Variants in ARL8B observed in about 807,000 individuals in gnomAD.
ARL8B encodes ADP-ribosylation factor-like protein 8B.
Under a neutral mutation model 30.6 loss-of-function variants are expected in ARL8B, and 9 were observed. The ratio of observed to expected loss-of-function variants is 0.29; its 90% CI spans 0.18 to 0.51. The LOEUF is 0.51. Ranked by LOEUF, ARL8B falls within the 20% of genes least tolerant of loss-of-function variation. The probability of loss-of-function intolerance (pLI) is 0.97; values close to 1 mark genes in which losing one functional copy is unlikely to be tolerated. For missense variants in ARL8B, 130 were observed against 227.2 expected, an observed-to-expected ratio of 0.57 and a Z score of 2.75; for synonymous variants, 74 against 76.0, an observed-to-expected ratio of 0.97 and a Z score of 0.14.
chr3:5,131,151 C>T (rs145565524), intron 1 of ARL8B, among the ~76,000 whole-genome samples: 4 of 152,132 alleles, frequency 2.6e-5, no homozygotes, highest in Admixed American at 1.3e-4. Context: ...GTGATCTGTC[C>T]GCCTTAGCCT....
At chr3:5,157,903 T>G (rs967761499) in intron 1 of ARL8B, 2 of 152,094 alleles carry the variant, frequency 1.3e-5, no homozygotes, top group Non-Finnish European at 2.9e-5. Context: ...CCAGATAGAT[T>G]GTGCTTCAAG....
intron 1 of ARL8B, among the ~76,000 whole-genome samples, chr3:5,169,312 TG>T (rs1559285619): frequency 9.4e-5 from 10 of 106,324 alleles, no homozygotes; most frequent in African/African-American, 3.5e-4. Flanking sequence ...TGTTTGTGTG[TG>T]TGTGTGTGTG....
intron 1 of ARL8B, among the ~76,000 whole-genome samples, chr3:5,147,424 G>C (rs1416903990): frequency 6.6e-6 from 1 of 152,092 alleles, no homozygotes; most frequent in Non-Finnish European, 1.5e-5. Flanking sequence ...ATTTGGGTTG[G>C]TTCCAAGTCT....
intron 1 of ARL8B, among the ~76,000 whole-genome samples, chr3:5,158,649 A>G (rs1043755989): frequency 1.3e-5 from 2 of 152,194 alleles, no homozygotes; most frequent in Admixed American, 6.5e-5. Flanking sequence ...CACTGCCTGT[A>G]TATCATTGTT....
At chr3:5,176,182 G>A (rs1380938820) in intron 6 of ARL8B, among the ~76,000 whole-genome samples, 1 of 152,110 alleles carries the variant, frequency 6.6e-6, no homozygotes, top group Non-Finnish European at 1.5e-5. Flanking sequence ...TTGTATTCCA[G>A]TCTATCCTTC....
Position 5,179,156 on chromosome 3 carries a change from C to T in ARL8B, c.*443C>T, listed in dbSNP as rs2054755638. On this transcript the variant is annotated 3_prime_UTR_variant, in exon 7 of 7. Coordinates refer to ENST00000256496, the MANE Select transcript of ARL8B (RefSeq NM_018184.3). ...TTGATACAGCATGAAGTTTCTAGTG[C>T]CACACACAGTATTTAGAAAACCTTT... 6.5e-6 allele frequency: 1 copy of T among 153,710 alleles called. No individual in the cohort carries two copies. The highest frequency in any genetic ancestry group is 6.5e-5 in the Admixed American group (1 of 15,314). 9.5% of individuals were successfully genotyped at this position (153,710 alleles called of 1,614,324 possible). A position where few individuals can be genotyped will look rare whatever the true frequency, so the allele number is the denominator to read the frequency against.
chr3:5,162,737 A>G (rs1322780068), intron 1 of ARL8B, among the ~76,000 whole-genome samples: 1 of 152,182 alleles, frequency 6.6e-6, no homozygotes, highest in Non-Finnish European at 1.5e-5. Context: ...TTTATTCTTT[A>G]GTAATAAGAC....
At chr3:5,162,787 C>T (rs1484707277) in intron 1 of ARL8B, among the ~76,000 whole-genome samples, 1 of 152,058 alleles carries the variant, frequency 6.6e-6, no homozygotes, top group African/African-American at 2.4e-5. Flanking sequence ...ACTATGGATT[C>T]AGTGGAACAT....
rs1241759671 is a variant in ARL8B, at chr3:5,124,441, C to T, written c.123+1853C>T. ...AAAATTAATGAGGAAACATGAACTT[C>T]GGGTTACATATTTATATTAGAATTT... On this transcript the variant is annotated intron_variant, in intron 1 of 6. Coordinates refer to ENST00000256496, the MANE Select transcript of ARL8B (RefSeq NM_018184.3). 2.0e-5 allele frequency among the ~76,000 whole-genome samples: 3 copies of T among 151,374 alleles called. No homozygotes were observed. The East Asian group carries it at 5.8e-4, about 30-fold the overall frequency.
Position 5,178,338 on chromosome 3 carries a change from CAG to C in ARL8B, c.512-325_512-324del, listed in dbSNP as rs556716590. Reference sequence around the variant, plus strand: ...TACTTAAAAGCGCCTTGAGGGCAAACAGGGGTTATTCCTTTTTTTTTTTTTTT... The same window carrying C: ...TACTTAAAAGCGCCTTGAGGGCAAACGGGTTATTCCTTTTTTTTTTTTTTT... On this transcript the variant is annotated intron_variant, in intron 6 of 6. Coordinates refer to ENST00000256496, the MANE Select transcript of ARL8B (RefSeq NM_018184.3). Among the ~76,000 whole-genome samples, 514 of 147,334 alleles carry C rather than the reference CAG, an allele frequency of 3.5e-3. 5 individuals carry two copies. The highest frequency in any genetic ancestry group is 0.012 in the African/African-American group (475 of 39,916).
At chr3:5,169,397 GA>G (rs2054651709) in intron 1 of ARL8B, among the ~76,000 whole-genome samples, 1 of 151,706 alleles carries the variant, frequency 6.6e-6, no homozygotes, top group Non-Finnish European at 1.5e-5. Flanking sequence ...CATTTCTTTT[GA>G]GTGTATATTC....
chr3:5,135,333 G>T (rs1222040459), intron 1 of ARL8B, among the ~76,000 whole-genome samples: 2 of 114,108 alleles, frequency 1.8e-5, no homozygotes, highest in Non-Finnish European at 3.5e-5. Context: ...CTGTTGCCCA[G>T]ACTGGAGTGC....
rs1410525915 is a variant in ARL8B at position 5,174,350 on chromosome 3, G to C, written c.447G>C (p.Leu149=). 1 of 1,600,146 alleles carries C rather than the reference G, an allele frequency of 6.2e-7. No individual in the cohort carries two copies. Among genetic ancestry groups the C allele is most frequent in the African/African-American group, 1.3e-5 (1 of 74,572 alleles). ...DEKQLIEKMN[L]SAIQDREICC... is the part of the protein sequence containing the mutation. ...CTTTTAATTCTTCTCATAGGAATCT[G>C]TCTGCTATTCAGGATAGAGAAATTT... The change falls in exon 6 of 7, where the codon CTG becomes CTC. Residue 149 remains leucine, a synonymous_variant. Coordinates refer to ENST00000256496, the MANE Select transcript of ARL8B (RefSeq NM_018184.3).
At chr3:5,177,188 G>A (rs552803901) in intron 6 of ARL8B, among the ~76,000 whole-genome samples, 2 of 152,058 alleles carry the variant, frequency 1.3e-5, no homozygotes, top group South Asian at 2.1e-4. Flanking sequence ...GACTTCTTTC[G>A]CTATTTGAGG....
chr3:5,157,052 T>G (rs1044006555), intron 1 of ARL8B: 2 of 152,262 alleles, frequency 1.3e-5, no homozygotes, highest in African/African-American at 4.8e-5. Context: ...TGTTATTTTG[T>G]TTTGTTATAG....
intron 1 of ARL8B, among the ~76,000 whole-genome samples, chr3:5,143,434 G>T (rs3967125): frequency 2.0e-5 from 3 of 152,112 alleles, no homozygotes; most frequent in South Asian, 2.1e-4. Context: ...TAGAGCCAAC[G>T]TGCAATCCAC....
At chr3:5,152,670 G>A (rs764599865) in intron 1 of ARL8B, among the ~76,000 whole-genome samples, 1 of 152,188 alleles carries the variant, frequency 6.6e-6, no homozygotes, top group Non-Finnish European at 1.5e-5. Flanking sequence ...ATTTTTTGTA[G>A]AGATAGAGTC....
intron 1 of ARL8B, among the ~76,000 whole-genome samples, chr3:5,129,351 G>C (rs2054261082): frequency 6.6e-6 from 1 of 152,004 alleles, no homozygotes; most frequent in South Asian, 2.1e-4. Flanking sequence ...ATACTGAGCA[G>C]ATTTCATATA....
At chr3:5,122,625 A>G in intron 1 of ARL8B, 37 bp downstream of exon 1, 1 of 1,574,104 alleles carries the variant, frequency 6.4e-7, no homozygotes, top group Non-Finnish European at 8.6e-7. Flanking sequence ...GGGGCTCCGC[A>G]GCCAGGAGTC....
Sources: gnomAD v4.1 joint callset for allele counts (sites outside exome capture counted in the v4.1 genomes callset) on GRCh38, gnomAD v4.1.1 for gene constraint, MANE v1.5 for transcripts, NCBI Gene and HGNC (gene_info 2026-07-23, HGNC 2026-07-21) for gene names.